USP45: variants seen among roughly 807,000 people sequenced by gnomAD.
USP45 encodes the protein ubiquitin specific peptidase 45, also known as ubiquitin carboxyl-terminal hydrolase 45.
USP45 carries 89 observed loss-of-function variants against 95.8 expected under a neutral mutation model. The observed-to-expected ratio is 0.93, with a 90% CI of 0.78 to 1.11. USP45 has a LOEUF of 1.11. Ranked by LOEUF, USP45 falls within the 50% of genes least tolerant of loss-of-function variation. USP45 has a pLI of 0.00. For synonymous variants in USP45, 281 were observed against 316.2 expected, an observed-to-expected ratio of 0.89 and a Z score of 1.18; for missense variants, 898 against 942.5, an observed-to-expected ratio of 0.95 and a Z score of 0.62.
chr6:99,507,340 T>G (rs1798772215), intron 4 of USP45, 88 bp downstream of exon 4: 1 of 665,250 alleles, frequency 1.5e-6, no homozygotes, highest in Admixed American at 3.1e-5. Context: ...TAGAACATCT[T>G]TAAATATTTT....
rs569223510 is a variant in USP45, at chr6:99,475,894, C to T, written c.933+249G>A. 1.5e-4 allele frequency among the ~76,000 whole-genome samples: 23 copies of T among 152,174 alleles called. No individual in the cohort carries two copies. In the Middle Eastern group the frequency reaches 0.01, roughly 68 times the overall value. ...TGGAGTAGTGCAGTAGCGGGATCTC[C>T]GCTCACTGCAACCTCTGCTTCCTGG... On this transcript the variant is annotated intron_variant, in intron 9 of 17. Transcript: ENST00000500704.
intron 13 of USP45, among the ~76,000 whole-genome samples, chr6:99,456,822 T>G (rs1327190951): frequency 6.6e-6 from 1 of 150,770 alleles, no homozygotes; most frequent in African/African-American, 2.4e-5. Flanking sequence ...ATAGGAGAGA[T>G]AACCTTAAAC....
intron 17 of USP45, among the ~76,000 whole-genome samples, chr6:99,436,747 G>T (rs903653693): frequency 6.6e-6 from 1 of 152,012 alleles, no homozygotes; most frequent in Non-Finnish European, 1.5e-5. Flanking sequence ...GACCTAGAAG[G>T]GTACAGTCTT....
chr6:99,449,216 C>T (rs1304652381), intron 13 of USP45, among the ~76,000 whole-genome samples: 1 of 152,148 alleles, frequency 6.6e-6, no homozygotes, highest in Non-Finnish European at 1.5e-5. Context: ...TTAAAAGATA[C>T]AGACTGAAAA....
intron 9 of USP45, among the ~76,000 whole-genome samples, chr6:99,472,840 A>G (rs1185228159): frequency 6.6e-6 from 1 of 152,178 alleles, no homozygotes; most frequent in East Asian, 1.9e-4. Flanking sequence ...CTGACTACAG[A>G]TGTCCAAGCA....
chr6:99,437,151 C>A, intron 17 of USP45, 95 bp downstream of exon 17: 1 of 1,263,740 alleles, frequency 7.9e-7, no homozygotes, highest in Non-Finnish European at 1.1e-6. Context: ...AGCAAATCCA[C>A]TAGAGGCATC....
chr6:99,480,206 G>A (rs776973985), intron 8 of USP45, among the ~76,000 whole-genome samples: 1 of 152,074 alleles, frequency 6.6e-6, no homozygotes, highest in Non-Finnish European at 1.5e-5. Flanking sequence ...AAATATGTGC[G>A]GGATTTGTAT....
intron 13 of USP45, among the ~76,000 whole-genome samples, chr6:99,464,341 G>C (rs1049589611): frequency 2.0e-5 from 3 of 152,102 alleles, no homozygotes; most frequent in Admixed American, 2.0e-4. Context: ...CTCTCTTGTA[G>C]AGATACACAT....
intron 16 of USP45, 152 bp from the exon 17 acceptor site, chr6:99,437,551 C>T: frequency 2.5e-6 from 2 of 813,864 alleles, no homozygotes; most frequent in Non-Finnish European, 3.6e-6. Flanking sequence ...AATGGAAAAA[C>T]CTTAACAAGG....
chr6:99,508,748 G>C lies in USP45; in HGVS notation c.135C>G (p.Ile45Met). The C allele has an allele frequency of 6.2e-7, 1 of 1,612,696 alleles. No homozygotes were observed. Among genetic ancestry groups the C allele is most frequent in the Non-Finnish European group, 8.5e-7 (1 of 1,179,610 alleles). Residue 45 changes from isoleucine to methionine, a missense_variant, in exon 3 of 18, where the codon ATC becomes ATG. Transcript: ENST00000500704. ...TTGCTCTCTTTACATGATTCACGCT[G>C]ATAGCATGACTTACATGTTGGCAAG... ...GLTCQHVSHA[I>M]SVNHVKRAIA...
rs748665547 is a variant in USP45, at chr6:99,510,201, G to A, written c.20C>T (p.Thr7Ile). Residue 7 changes from threonine (T) to isoleucine (I), a missense_variant, in exon 2 of 18, where the codon ACT (threonine) becomes ATT (isoleucine). Thr to Ile is a moderately conservative substitution (Grantham distance 89). Transcript: ENST00000500704. ...TTTGGCTTTCTCAGGTAAAGCTTTAGTTGGATCTTTCACCCGCATCTGTTA... is the reference window on the plus strand; with the variant it reads ...TTTGGCTTTCTCAGGTAAAGCTTTAATTGGATCTTTCACCCGCATCTGTTA... Reference protein sequence around the residue: MRVKDPTKALPEKAKRS... With the variant: MRVKDPIKALPEKAKRS... 16 of 1,613,560 alleles carry A rather than the reference G, an allele frequency of 9.9e-6. No individual in the cohort carries two copies. Among genetic ancestry groups the A allele is most frequent in the South Asian group, 7.7e-5 (7 of 90,998 alleles).
intron 11 of USP45, 33 bp downstream of exon 11, chr6:99,466,639 A>G: frequency 6.6e-7 from 1 of 1,515,386 alleles, no homozygotes; most frequent in South Asian, 1.1e-5. Context: ...ATTGTAATCC[A>G]TTCCATGCTG....
rs117543761 is a variant in USP45, at chr6:99,487,095, A to C, written c.714+1105T>G. 2.0e-5 allele frequency among the ~76,000 whole-genome samples: 3 copies of C among 152,248 alleles called. No homozygotes were observed. The East Asian group carries it at 5.8e-4, about 29-fold the overall frequency. On this transcript the variant is annotated intron_variant, in intron 7 of 17. Transcript: ENST00000500704. ...GGTGGGTTTCAGGAAGCAGAGGTTT[A>C]CTCTAGAGTGAATGCCCTCAGAAAG...
chr6:99,472,867 C>T (rs1475714803), intron 9 of USP45, among the ~76,000 whole-genome samples: 1 of 152,116 alleles, frequency 6.6e-6, no homozygotes, highest in Non-Finnish European at 1.5e-5. Flanking sequence ...CTTCAATCAG[C>T]AGTATTTTAT....
intron 9 of USP45, among the ~76,000 whole-genome samples, chr6:99,473,221 T>G (rs1789888852): frequency 6.6e-6 from 1 of 152,038 alleles, no homozygotes; most frequent in African/African-American, 2.4e-5. Context: ...CGTTTAAGGT[T>G]AAGCACATAC....
chr6:99,436,661 G>C (rs1332574952), intron 17 of USP45, among the ~76,000 whole-genome samples: 1 of 152,106 alleles, frequency 6.6e-6, no homozygotes, highest in Non-Finnish European at 1.5e-5. Flanking sequence ...AAAAACTTTT[G>C]GTATTGTTAA....
At chr6:99,500,550 C>T (rs1797160455) in intron 5 of USP45, among the ~76,000 whole-genome samples, 1 of 152,070 alleles carries the variant, frequency 6.6e-6, no homozygotes, top group Non-Finnish European at 1.5e-5. Flanking sequence ...CTTAGGGAAT[C>T]TCTAAGGTAA....
chr6:99,516,254 T>A (rs936803039), upstream of USP45, among the ~76,000 whole-genome samples: 1 of 152,238 alleles, frequency 6.6e-6, no homozygotes, highest in African/African-American at 2.4e-5. Context: ...TCTGTTGAAG[T>A]GGCCAGCACA....
At chr6:99,511,845 GTATATATATATATATA>G (rs751350306) in intron 1 of USP45, among the ~76,000 whole-genome samples, 9 of 22,804 alleles carry the variant, frequency 3.9e-4, no homozygotes, top group African/African-American at 4.8e-4. Flanking sequence ...GTGAGTGTGT[GTATATATATATATATA>G]TATATATATA....
Sources: allele counts gnomAD v4.1 joint callset (sites outside exome capture counted in the v4.1 genomes callset), GRCh38; gene constraint gnomAD v4.1.1; transcripts MANE v1.5; gene names NCBI Gene and HGNC (gene_info 2026-07-23, HGNC 2026-07-21).